Variants in IRAG1 observed in about 807,000 individuals in gnomAD.
IRAG1 encodes inositol 1,4,5-triphosphate receptor associated 1, also known as IP3R-associated cGMP kinase substrate.
A neutral mutation model predicts 106.2 loss-of-function variants in IRAG1; 62 were observed. The observed-to-expected ratio is 0.58, with a 90% CI of 0.48 to 0.72. IRAG1 has a LOEUF of 0.72. Among genes scored for constraint, IRAG1 ranks in the 30% least tolerant of loss-of-function variants. The pLI is 0.00. For synonymous variants in IRAG1, 462 were observed against 443.9 expected (o/e 1.04, Z -0.51); for missense variants, 1,064 against 1,140.7 (o/e 0.93, Z 0.97).
chr11:10,680,520 G>GAAGA (rs1033868940), intron 1 of IRAG1, among the ~76,000 whole-genome samples: 1 of 132,312 alleles, frequency 7.6e-6, no homozygotes, highest in Non-Finnish European at 1.6e-5. Flanking sequence ...AAAAAGAAAG[G>GAAGA]AAGAAAGGAA....
intron 18 of IRAG1, among the ~76,000 whole-genome samples, chr11:10,583,310 T>TG (rs1472337939): frequency 6.6e-6 from 1 of 151,904 alleles, no homozygotes. Context: ...TTGTCTCAGG[T>TG]GGAAAAGAAG....
rs142555633 is a variant in IRAG1, at chr11:10,690,979, C to A, written c.67+2557G>T. Among the ~76,000 whole-genome samples, 1,176 of 152,300 alleles carry A rather than the reference C, an allele frequency of 7.7e-3. 7 individuals are homozygous for A. The highest frequency in any genetic ancestry group is 0.012 in the Non-Finnish European group (848 of 68,028). On this transcript the variant is annotated intron_variant, in intron 1 of 20. Transcript: ENST00000423302. ...CTCTCTTCTCCCTATCTACCCAGGC[C>A]TCTGCTTCTATTCAGTCAGCAAACA...
intron 2 of IRAG1, among the ~76,000 whole-genome samples, chr11:10,642,982 T>C (rs1857632860): frequency 6.6e-6 from 1 of 151,874 alleles, no homozygotes; most frequent in Admixed American, 6.5e-5. Context: ...CCATCTTGGC[T>C]AACACAGTGA....
At chr11:10,578,520 C>T (rs945345312) in intron 20 of IRAG1, among the ~76,000 whole-genome samples, 4 of 152,200 alleles carry the variant, frequency 2.6e-5, no homozygotes, top group African/African-American at 7.2e-5. Flanking sequence ...ATCTCTTAAG[C>T]GATCAGCAGC....
At chr11:10,648,288 T>C (rs1301966472) in intron 2 of IRAG1, among the ~76,000 whole-genome samples, 3 of 152,154 alleles carry the variant, frequency 2.0e-5, no homozygotes, top group Non-Finnish European at 4.4e-5. Context: ...CATTTGAACC[T>C]GGGAGACAGA....
chr11:10,587,700 C>T (rs867197877), intron 18 of IRAG1, among the ~76,000 whole-genome samples: 2 of 152,136 alleles, frequency 1.3e-5, no homozygotes, highest in Non-Finnish European at 2.9e-5. Flanking sequence ...TTTTGCTGAT[C>T]GCTCTGTGAA....
rs2278125 is a variant in IRAG1 at position 10,628,782 on chromosome 11, C to T, written c.621G>A (p.Arg207=). The T allele has an allele frequency of 0.56, 873,652 of 1,553,846 alleles. 247,469 individuals carry two copies. The highest frequency in any genetic ancestry group is 0.7 in the East Asian group (28,576 of 40,770). ...GGGTGGGGACTGTAAGTGAGTTGCT[C>T]CGAGAGGATGTAGGAGAAGCGCTGG... The part of the protein sequence containing the change: ...LSPSASPTSS[R]SNSLTVPTPP... The change falls in exon 6 of 21, where the codon CGG becomes CGA. Residue 207 remains arginine, a synonymous_variant. Transcript: ENST00000423302. The surrounding 1 kb of genome is among the most constrained non-coding windows in gnomAD (Gnocchi z 4.1).
chr11:10,586,416 C>CT (rs1215933252), intron 18 of IRAG1, among the ~76,000 whole-genome samples: 1,800 of 140,970 alleles, frequency 0.013, 23 homozygotes, highest in African/African-American at 0.036. Context: ...TTGATCTCTC[C>CT]TTTTTTTTTT....
intron 2 of IRAG1, among the ~76,000 whole-genome samples, chr11:10,645,524 A>T (rs1857872415): frequency 6.6e-6 from 1 of 152,222 alleles, no homozygotes; most frequent in Non-Finnish European, 1.5e-5. Flanking sequence ...CTTCATCTGG[A>T]TAAGATACCT....
At chr11:10,586,377 C>A (rs1851991427) in intron 18 of IRAG1, among the ~76,000 whole-genome samples, 1 of 151,638 alleles carries the variant, frequency 6.6e-6, no homozygotes, top group South Asian at 2.1e-4. Flanking sequence ...TGCTGGTGTT[C>A]TCCCCTCCCC....
chr11:10,588,219 T>C (rs1240347498), intron 18 of IRAG1, among the ~76,000 whole-genome samples: 1 of 152,256 alleles, frequency 6.6e-6, no homozygotes, highest in Admixed American at 6.5e-5. Context: ...ATTATCATCA[T>C]TCCTTGAATA....
At chr11:10,638,124 A>G (rs957184556) in intron 2 of IRAG1, among the ~76,000 whole-genome samples, 3 of 152,356 alleles carry the variant, frequency 2.0e-5, no homozygotes, top group Non-Finnish European at 4.4e-5. Flanking sequence ...TCTGATGCAT[A>G]TTCTGAGCTC....
At chr11:10,630,213 C>G (rs1381377146) in intron 4 of IRAG1, 2 of 154,714 alleles carry the variant, frequency 1.3e-5, no homozygotes, top group African/African-American at 4.8e-5. Flanking sequence ...AACGGCACCA[C>G]CTCTCACCTG....
intron 10 of IRAG1, among the ~76,000 whole-genome samples, chr11:10,610,259 C>T (rs1854832410): frequency 6.6e-6 from 1 of 152,212 alleles, no homozygotes; most frequent in South Asian, 2.1e-4. Flanking sequence ...ATTATTCCTC[C>T]TCGGATAAAT....
intron 3 of IRAG1, 110 bp downstream of exon 3, chr11:10,633,858 C>G: frequency 1.7e-6 from 1 of 585,816 alleles, no homozygotes; most frequent in East Asian, 3.2e-5. Flanking sequence ...ATAGTTTAGT[C>G]AATAAAATGA....
Position 10,628,678 on chromosome 11 carries a change from C to T in IRAG1, c.652+73G>A, listed in dbSNP as rs944899222. 9 of 1,257,202 alleles carry T rather than the reference C, an allele frequency of 7.2e-6. No homozygotes were observed. Among genetic ancestry groups the T allele is most frequent in the Non-Finnish European group, 9.7e-6 (9 of 927,542 alleles). 77.9% of individuals were successfully genotyped at this position (1,257,202 alleles called of 1,614,324 possible). ...GGAAGCCTGCAGGCTGGGAGGCATG[C>T]TGATCTGTCCAGGCTGAGCTGCCAC... is the stretch of plus-strand genomic sequence containing the variant. On this transcript the variant is annotated intron_variant, in intron 6 of 20. Coordinates refer to ENST00000423302, the MANE Select transcript of IRAG1 (RefSeq NM_130385.4). The surrounding 1 kb of genome is among the most constrained non-coding windows in gnomAD (Gnocchi z 4.1).
rs781756532 is a variant in IRAG1 at position 10,593,562 on chromosome 11, G to A, written c.2105C>T (p.Pro702Leu). The change falls in exon 17 of 21, where the codon CCT becomes CTT. Residue 702 changes from proline (P) to leucine (L), a missense_variant. By Grantham distance (98) the Pro-to-Leu change is moderately conservative. Coordinates refer to ENST00000423302, the MANE Select transcript of IRAG1 (RefSeq NM_130385.4). ...AGGCAGATTCAGGGCATTAAACTTA[G>A]GAACCACAGCAACGCTGACCCTCCG... ...PRRRVSVAVVPKFNALNLPGQ... is the reference protein window; with the variant it reads ...PRRRVSVAVVLKFNALNLPGQ... The A allele has an allele frequency of 6.2e-7, 1 of 1,613,842 alleles. No homozygotes were observed. Among genetic ancestry groups the A allele is most frequent in the Non-Finnish European group, 8.5e-7 (1 of 1,179,784 alleles).
chr11:10,621,772 T>A (rs1402128042), intron 10 of IRAG1, among the ~76,000 whole-genome samples: 1 of 152,196 alleles, frequency 6.6e-6, no homozygotes, highest in Non-Finnish European at 1.5e-5. Context: ...GGGAAGTTTA[T>A]TAATTAAGAT....
In IRAG1 at chr11:10,678,702, C is replaced by T. The variant is rs889680113; in HGVS notation, c.67+14834G>A. ...TCAGACCCACCATTGTTTAGAAATGCCCTCTTGGTAGGCAACTGGTTGATG... is the reference window on the plus strand; with the variant it reads ...TCAGACCCACCATTGTTTAGAAATGTCCTCTTGGTAGGCAACTGGTTGATG... On this transcript the variant is annotated intron_variant, in intron 1 of 20. Transcript: ENST00000423302. 2.6e-5 allele frequency among the ~76,000 whole-genome samples: 4 copies of T among 152,186 alleles called. No individual in the cohort carries two copies. The South Asian group carries it at 6.2e-4, about 24-fold the overall frequency.
Sources: gnomAD v4.1 joint callset for allele counts (sites outside exome capture counted in the v4.1 genomes callset) on GRCh38, gnomAD v4.1.1 for gene constraint, Gnocchi (gnomAD v3.1) non-coding constraint, MANE v1.5 for transcripts, NCBI Gene and HGNC (gene_info 2026-07-23, HGNC 2026-07-21) for gene names.